The following HERC4 variants were observed in gnomAD, a reference collection of about 807,000 sequenced individuals.
HERC4 encodes HECT and RLD domain containing E3 ubiquitin protein ligase 4.
In HERC4, 28 loss-of-function variants were observed where a neutral mutation model predicts 124.3. The observed-to-expected ratio is 0.23, with a 90% CI of 0.17 to 0.31. The LOEUF is 0.31. Ranked by LOEUF, HERC4 falls within the 10% of genes least tolerant of loss-of-function variation. HERC4 has a pLI of 1.00. For missense variants in HERC4, 713 were observed against 1,229.3 expected (o/e 0.58, Z 6.28); for synonymous variants, 407 against 421.5 (o/e 0.97, Z 0.42).
chr10:67,972,916 A>T (rs144393778), intron 15 of HERC4, among the ~76,000 whole-genome samples: 5 of 152,350 alleles, frequency 3.3e-5, no homozygotes, highest in African/African-American at 4.8e-5. Flanking sequence ...AATTATAGTT[A>T]ACTTCCTTAA....
chr10:67,959,805 A>G (rs181573405), intron 16 of HERC4, among the ~76,000 whole-genome samples: 10 of 152,370 alleles, frequency 6.6e-5, no homozygotes, highest in Admixed American at 5.9e-4. Context: ...ATGAAAGCTT[A>G]CCACTTTATT....
intron 8 of HERC4, among the ~76,000 whole-genome samples, chr10:68,022,918 T>C (rs2038714212): frequency 6.6e-6 from 1 of 151,460 alleles, no homozygotes; most frequent in East Asian, 1.9e-4. Flanking sequence ...AACAAGTATA[T>C]AAAAATATGC....
At chr10:68,037,149 T>C (rs2039521422) in intron 5 of HERC4, among the ~76,000 whole-genome samples, 2 of 148,150 alleles carry the variant, frequency 1.3e-5, no homozygotes, top group South Asian at 4.3e-4. Flanking sequence ...GGCTGGACTA[T>C]AGTGCCGTGA....
chr10:67,944,406 T>C (rs1199097536), intron 19 of HERC4, among the ~76,000 whole-genome samples: 1 of 152,246 alleles, frequency 6.6e-6, no homozygotes, highest in Non-Finnish European at 1.5e-5. Context: ...CTAATGCAGA[T>C]ATGGCTGCAA....
intron 8 of HERC4, among the ~76,000 whole-genome samples, chr10:68,024,389 T>C (rs1053470818): frequency 2.6e-5 from 4 of 152,160 alleles, no homozygotes; most frequent in African/African-American, 9.7e-5. Context: ...TTAAGTGTCC[T>C]CTATAACCCA....
chr10:67,984,870 T>G (rs2036170693), intron 15 of HERC4, among the ~76,000 whole-genome samples: 1 of 152,032 alleles, frequency 6.6e-6, no homozygotes, highest in South Asian at 2.1e-4. Flanking sequence ...ATTACTGGAG[T>G]GAACCACCGC....
intron 3 of HERC4, among the ~76,000 whole-genome samples, chr10:68,045,486 G>A (rs2039974126): frequency 6.6e-6 from 1 of 152,164 alleles, no homozygotes; most frequent in Non-Finnish European, 1.5e-5. Context: ...TTTGTGGACT[G>A]CCAACTTAAT....
chr10:67,940,548 T>G (rs1453736059), intron 20 of HERC4, among the ~76,000 whole-genome samples: 1 of 152,080 alleles, frequency 6.6e-6, no homozygotes, highest in Non-Finnish European at 1.5e-5. Flanking sequence ...GCCTCCTGAA[T>G]AGCTGGGACT....
chr10:68,062,511 T>C (rs2041078282), intron 3 of HERC4, among the ~76,000 whole-genome samples: 2 of 152,166 alleles, frequency 1.3e-5, no homozygotes, highest in Non-Finnish European at 1.5e-5. Flanking sequence ...TCCCAGCACT[T>C]TGGGAGCCAA....
rs1032529195 is a variant in HERC4 at position 68,069,598 on chromosome 10, A to G, written c.226+3285T>C. The G allele has an allele frequency of 4.9e-5, 48 of 985,226 alleles. 1 individual carries two copies. In the South Asian group the frequency reaches 2.1e-3, roughly 43 times the overall value. The allele number at this position is 985,226 out of a possible 1,614,324, so 61.0% of individuals were successfully genotyped here. ...CAAGTCCTCCAGTAGGTTATTATGA[A>G]TCTCGAGAATAATTTATCCTTAATA... On this transcript the variant is annotated intron_variant, in intron 3 of 24. Transcript: ENST00000373700.
intron 23 of HERC4, among the ~76,000 whole-genome samples, chr10:67,925,694 G>C (rs918736096): frequency 6.6e-6 from 1 of 151,878 alleles, no homozygotes; most frequent in East Asian, 1.9e-4. Flanking sequence ...AGGAATGTAT[G>C]ACTTCTGAGA....
At chr10:67,978,015 C>T (rs1176852030) in intron 15 of HERC4, among the ~76,000 whole-genome samples, 1 of 151,180 alleles carries the variant, frequency 6.6e-6, no homozygotes, top group Non-Finnish European at 1.5e-5. Context: ...GTGGCTCACA[C>T]TTGTAATCCC....
intron 10 of HERC4, 114 bp downstream of exon 10, chr10:67,992,492 G>C: frequency 9.0e-7 from 1 of 1,115,340 alleles, no homozygotes; most frequent in Non-Finnish European, 1.3e-6. Flanking sequence ...TAGACTTAAG[G>C]GGAAAAAAAC....
chr10:68,063,137 T>C (rs2041118584), intron 3 of HERC4, among the ~76,000 whole-genome samples: 1 of 152,218 alleles, frequency 6.6e-6, no homozygotes, highest in Admixed American at 6.6e-5. Flanking sequence ...ATTTGTTTTC[T>C]ATTCCCTACT....
chr10:68,036,567 T>C (rs2039483208), intron 5 of HERC4, among the ~76,000 whole-genome samples: 2 of 152,108 alleles, frequency 1.3e-5, no homozygotes. Context: ...TTAAGGCCCT[T>C]TATAACAGAC....
chr10:68,007,951 C>T (rs954688575), intron 9 of HERC4: 7 of 152,400 alleles, frequency 4.6e-5, no homozygotes, highest in Admixed American at 2.0e-4. Context: ...GCTCCTGAGC[C>T]CAAGCGATCC....
chr10:67,950,404 T>C (rs1281954602), intron 19 of HERC4, among the ~76,000 whole-genome samples: 1 of 152,072 alleles, frequency 6.6e-6, no homozygotes, highest in Non-Finnish European at 1.5e-5. Flanking sequence ...GCCTCCTAAG[T>C]AGCTAGGATT....
At chr10:68,049,163 G>A (rs971251891) in intron 3 of HERC4, among the ~76,000 whole-genome samples, 15 of 150,802 alleles carry the variant, frequency 9.9e-5, no homozygotes, top group African/African-American at 2.9e-4. Flanking sequence ...CCATCTACAC[G>A]CTGAAATATT....
chr10:67,949,846 C>T (rs371439841), intron 19 of HERC4, among the ~76,000 whole-genome samples: 1 of 151,972 alleles, frequency 6.6e-6, no homozygotes, highest in African/African-American at 2.4e-5. Flanking sequence ...GGTGAAACCT[C>T]GTCTCTACCA....
Sources: allele counts gnomAD v4.1 joint callset (sites outside exome capture counted in the v4.1 genomes callset), GRCh38; gene constraint gnomAD v4.1.1; transcripts MANE v1.5; gene names NCBI Gene and HGNC (gene_info 2026-07-23, HGNC 2026-07-21).